CDK15: variants seen among roughly 807,000 people sequenced by gnomAD.
CDK15 encodes the protein cyclin-dependent kinase 15.
Under a neutral mutation model 60.3 loss-of-function variants are expected in CDK15, and 62 were observed. The ratio of observed to expected loss-of-function variants is 1.03; its 90% CI spans 0.84 to 1.27. The LOEUF is 1.27. CDK15 is among the 50% of genes most tolerant of loss of function. The pLI is 0.00. For missense variants in CDK15, 541 were observed against 527.8 expected (o/e 1.03, Z -0.25); for synonymous variants, 194 against 195.7 (o/e 0.99, Z 0.07).
In CDK15 at chr2:201,855,994, T is replaced by C. The variant is rs540574800; in HGVS notation, c.1009+1057T>C. On this transcript the variant is annotated intron_variant, in intron 10 of 13. Coordinates refer to ENST00000652192, the MANE Select transcript of CDK15 (RefSeq NM_001366386.2). ...GGCACCCGCCACCATGCCCAGCTAATTTTTTGTATTTTTAGTAGAGATGAG... is the reference window on the plus strand; with the variant it reads ...GGCACCCGCCACCATGCCCAGCTAACTTTTTGTATTTTTAGTAGAGATGAG... 8.2e-4 allele frequency among the ~76,000 whole-genome samples: 125 copies of C among 152,050 alleles called. 2 individuals carry two copies. The highest frequency in any genetic ancestry group is 2.8e-3 in the African/African-American group (115 of 41,500).
chr2:201,892,563 A>G (rs1307769464), intron 13 of CDK15, among the ~76,000 whole-genome samples: 1 of 152,258 alleles, frequency 6.6e-6, no homozygotes, highest in Non-Finnish European at 1.5e-5. Context: ...CAGCAATTGA[A>G]GAAGGGAGAA....
chr2:201,817,769 G>A (rs1447093614), intron 4 of CDK15, among the ~76,000 whole-genome samples: 2 of 152,110 alleles, frequency 1.3e-5, no homozygotes, highest in Non-Finnish European at 2.9e-5. Context: ...CATATCACAT[G>A]ACAAATACAG....
chr2:201,860,714 C>T (rs1698353503), intron 10 of CDK15: 1 of 1,352,070 alleles, frequency 7.4e-7, no homozygotes, highest in African/African-American at 1.5e-5. Flanking sequence ...TTTCAGTATG[C>T]TTGCTTTATC....
At position 201,833,879 on chromosome 2, in the gene CDK15, C is replaced by T. The variant is rs763343769; in HGVS notation, c.638C>T (p.Ala213Val). ...LFMFQLLRGL[A>V]YIHHQHVLHR... ...ATGTTTCAACTTTTGCGGGGCCTGGCGTACATCCACCACCAACACGTTCTT... is the reference window on the plus strand; with the variant it reads ...ATGTTTCAACTTTTGCGGGGCCTGGTGTACATCCACCACCAACACGTTCTT... The change falls in exon 7 of 14, where the codon GCG (alanine) becomes GTG (valine). Residue 213 changes from alanine to valine, a missense_variant. Transcript: ENST00000652192. The T allele has an allele frequency of 1.9e-6, 3 of 1,613,910 alleles. No homozygotes were observed. The African/African-American group carries it at 4.0e-5, about 22-fold the overall frequency.
intron 3 of CDK15, 62 bp from the exon 4 acceptor site, chr2:201,812,421 G>T: frequency 2.0e-6 from 2 of 992,508 alleles, no homozygotes; most frequent in South Asian, 1.4e-5. Flanking sequence ...AGCCATCTTT[G>T]GTATAAATTG....
rs143561866 is a variant in CDK15, at chr2:201,829,411, G to A, written c.607-4437G>A. On this transcript the variant is annotated intron_variant, in intron 6 of 13. Coordinates refer to ENST00000652192, the MANE Select transcript of CDK15 (RefSeq NM_001366386.2). ...CAGATATGAGACCAATTACTTAGCC[G>A]GAACTGACGGGAAAAACAAGAGTCA... 3.0e-3 allele frequency among the ~76,000 whole-genome samples: 464 copies of A among 152,262 alleles called. 1 individual carries two copies. The highest frequency in any genetic ancestry group is 0.017 in the Middle Eastern group (5 of 294).
intron 12 of CDK15, chr2:201,888,560 G>A (rs1699540444): frequency 6.1e-6 from 9 of 1,469,008 alleles, no homozygotes; most frequent in East Asian, 2.6e-5. Context: ...AAGGAGAGCC[G>A]CGCTGCAGCT....
At chr2:201,876,455 T>C (rs939533175) in intron 11 of CDK15, 2 of 543,542 alleles carry the variant, frequency 3.7e-6, no homozygotes, top group African/African-American at 3.9e-5. Context: ...GTGCTGCCAG[T>C]GAAGGTTTGT....
At chr2:201,836,211 T>A (rs867799394) in intron 8 of CDK15, among the ~76,000 whole-genome samples, 44 of 120,270 alleles carry the variant, frequency 3.7e-4, no homozygotes, top group Non-Finnish European at 6.8e-4. Context: ...ATATATGTAT[T>A]TTTTTTTTTT....
intron 10 of CDK15, among the ~76,000 whole-genome samples, chr2:201,866,251 T>C (rs1016894669): frequency 1.3e-4 from 20 of 152,120 alleles, no homozygotes; most frequent in Non-Finnish European, 4.4e-5. Flanking sequence ...CTTAGGGTGA[T>C]TGTGGCAAGA....
At chr2:201,872,832 T>G (rs779071334) in intron 11 of CDK15, among the ~76,000 whole-genome samples, 38 of 152,190 alleles carry the variant, frequency 2.5e-4, no homozygotes, top group Non-Finnish European at 5.0e-4. Flanking sequence ...GTTAGCTAAC[T>G]AAGCTGTGCC....
Position 201,851,489 on chromosome 2 carries a change from G to A in CDK15, c.946-3385G>A, listed in dbSNP as rs142493571. On this transcript the variant is annotated intron_variant, in intron 9 of 13. Transcript: ENST00000652192. Reference sequence around the variant, plus strand: ...GGTGGAAGGGTAGAAGAGCAAACGGGCCTGACTGATTCCCTCTAGCTCCTT... The same window carrying A: ...GGTGGAAGGGTAGAAGAGCAAACGGACCTGACTGATTCCCTCTAGCTCCTT... 1.6e-4 allele frequency among the ~76,000 whole-genome samples: 25 copies of A among 152,062 alleles called. No homozygotes were observed. The East Asian group carries it at 4.8e-3, about 29-fold the overall frequency.
chr2:201,836,152 T>TTTATATA (rs1697066076), intron 8 of CDK15, among the ~76,000 whole-genome samples: 7 of 104,258 alleles, frequency 6.7e-5, no homozygotes, highest in East Asian at 3.2e-4. Context: ...ATTATATATA[T>TTTATATA]TTTATATATT....
In CDK15 at chr2:201,873,870, T is replaced by C. The variant is rs543050592; in HGVS notation, c.1058+1544T>C. Among the ~76,000 whole-genome samples, 110 of 152,260 alleles carry C rather than the reference T, an allele frequency of 7.2e-4. 1 individual carries two copies. The highest frequency in any genetic ancestry group is 1.6e-3 in the Admixed American group (24 of 15,302). ...GAGTTCAAGACCAGCCTGGCCAACA[T>C]GGCAAAACCCCGTCTCTACTAAAAA... On this transcript the variant is annotated intron_variant, in intron 11 of 13. Transcript: ENST00000652192.
At position 201,826,867 on chromosome 2, in the gene CDK15, T is replaced by C. The variant is rs75398362; in HGVS notation, c.606+3140T>C. On this transcript the variant is annotated intron_variant, in intron 6 of 13. Coordinates refer to ENST00000652192, the MANE Select transcript of CDK15 (RefSeq NM_001366386.2). ...GAATACCAGATACATATATATTTCT[T>C]ACTGTAGACTGCAGTCAAAAAATCT... Among the ~76,000 whole-genome samples the C allele has an allele frequency of 1.7e-4, 26 of 152,370 alleles. No homozygotes were observed. In the East Asian group the frequency reaches 5.0e-3, roughly 29 times the overall value.
intron 10 of CDK15, chr2:201,861,475 G>T: frequency 1.0e-6 from 1 of 984,200 alleles, no homozygotes; most frequent in Non-Finnish European, 1.2e-6. Flanking sequence ...AAATTATATT[G>T]AATTGCATCT....
chr2:201,826,321 G>T (rs746811072), intron 6 of CDK15, among the ~76,000 whole-genome samples: 1 of 152,050 alleles, frequency 6.6e-6, no homozygotes, highest in Non-Finnish European at 1.5e-5. Context: ...TTAGCCAGGC[G>T]TGGTGGCGGG....
intron 12 of CDK15, among the ~76,000 whole-genome samples, chr2:201,888,250 A>G (rs1464136193): frequency 1.3e-5 from 2 of 152,194 alleles, no homozygotes; most frequent in Non-Finnish European, 2.9e-5. Context: ...AGTTAAAGCA[A>G]AGTTTGAAAG....
intron 8 of CDK15, among the ~76,000 whole-genome samples, chr2:201,836,074 TTA>T (rs67988632): frequency 8.0e-4 from 5 of 6,222 alleles, no homozygotes; most frequent in African/African-American, 1.8e-3. Context: ...ATATTTATAT[TTA>T]TATATATTTA....
Sources: allele counts gnomAD v4.1 joint callset (sites outside exome capture counted in the v4.1 genomes callset), GRCh38; gene constraint gnomAD v4.1.1; transcripts MANE v1.5; gene names NCBI Gene and HGNC (gene_info 2026-07-23, HGNC 2026-07-21).